Variants in LONP1 observed in about 807,000 individuals in gnomAD.
LONP1 encodes the protein lon protease homolog, mitochondrial.
Under a neutral mutation model 98.5 loss-of-function variants are expected in LONP1, and 31 were observed. The ratio of observed to expected loss-of-function variants is 0.31; its 90% CI spans 0.24 to 0.42. LONP1 has a LOEUF of 0.42. Among genes scored for constraint, LONP1 ranks in the 20% least tolerant of loss-of-function variants. The probability of loss-of-function intolerance (pLI) is 1.00; values close to 1 mark genes in which losing one functional copy is unlikely to be tolerated. For missense variants in LONP1, 1,336 were observed against 1,350.6 expected, an observed-to-expected ratio of 0.99 and a Z score of 0.17; for synonymous variants, 781 against 594.7, an observed-to-expected ratio of 1.31 and a Z score of -4.56.
At chr19:5,698,911 A>T (rs1169659500) in intron 10 of LONP1, 116 bp downstream of exon 10, 1 of 1,073,676 alleles carries the variant, frequency 9.3e-7, no homozygotes, top group Non-Finnish European at 1.3e-6. Context: ...CATGAGTGGA[A>T]TCGGTTGCCC....
intron 17 of LONP1, 67 bp downstream of exon 17, chr19:5,693,231 G>A (rs981648229): frequency 5.2e-6 from 8 of 1,537,546 alleles, no homozygotes; most frequent in Middle Eastern, 1.8e-4. Context: ...TGCATGGCGG[G>A]GACTGGGCCT....
upstream of LONP1, chr19:5,720,390 A>C (rs1036998817): frequency 3.4e-6 from 2 of 595,328 alleles, no homozygotes; most frequent in African/African-American, 3.9e-5. Context: ...GCGCCCGTAC[A>C]AAACACTGGT....
intron 2 of LONP1, among the ~76,000 whole-genome samples, chr19:5,713,942 A>G (rs2055275185): frequency 6.6e-6 from 1 of 152,194 alleles, no homozygotes; most frequent in Non-Finnish European, 1.5e-5. Flanking sequence ...GCATTTCATC[A>G]CTAAGAGTCC....
chr19:5,714,734 C>T (rs2055288590), intron 1 of LONP1, among the ~76,000 whole-genome samples: 1 of 151,426 alleles, frequency 6.6e-6, no homozygotes, highest in Non-Finnish European at 1.5e-5. Flanking sequence ...TTCTCTGCCT[C>T]AGCCTCCTGA....
chr19:5,695,895 A>T lies in LONP1; in HGVS notation c.2013+159T>A, dbSNP rs1429489257. Among the ~76,000 whole-genome samples the T allele has an allele frequency of 5.9e-5, 9 of 152,110 alleles. No homozygotes were observed. In the South Asian group the frequency reaches 1.9e-3, roughly 32 times the overall value. On this transcript the variant is annotated intron_variant, in intron 13 of 17. Transcript: ENST00000360614. ...CTCGCGCCACCTGCAGCTGCTCGCA[A>T]GCGTCTGGTGTGTCTCTCACGGCCC...
Position 5,694,898 on chromosome 19 carries a change from A to G in LONP1, c.2017T>C (p.Tyr673His), listed in dbSNP as rs771670892. The change falls in exon 14 of 18, where the codon TAC becomes CAC. Residue 673 changes from tyrosine (Y) to histidine (H), a missense_variant. Tyr to His is a moderately conservative substitution (Grantham distance 83). Coordinates refer to ENST00000360614, the MANE Select transcript of LONP1 (RefSeq NM_004793.4). Reference protein sequence around the residue: ...AQEKLAIAERYLVPQARALCG... With the variant: ...AQEKLAIAERHLVPQARALCG... ...AGGGCGCGAGCCTGGGGCACCAGGT[A>G]GCGCTGCAAGGGCAACCGTCAGGGT... The G allele has an allele frequency of 1.9e-6, 3 of 1,593,638 alleles. No homozygotes were observed. In the South Asian group the frequency reaches 3.3e-5, roughly 18 times the overall value.
chr19:5,696,945 T>C (rs572389109), intron 10 of LONP1, among the ~76,000 whole-genome samples, 188 bp from the exon 11 acceptor site: 372 of 152,294 alleles, frequency 2.4e-3, no homozygotes, highest in Non-Finnish European at 4.4e-3. Context: ...TCACTTGCCC[T>C]GACTCGCCAG....
rs970307027 is a variant in LONP1, at chr19:5,696,493, G to A, written c.1774-122C>T. 141 of 1,408,384 alleles carry A rather than the reference G, an allele frequency of 1.0e-4. 1 individual carries two copies. Among genetic ancestry groups the A allele is most frequent in the Non-Finnish European group, 1.2e-4 (129 of 1,034,190 alleles). 87.2% of individuals were successfully genotyped at this position (1,408,384 alleles called of 1,614,324 possible). A position where few individuals can be genotyped will look rare whatever the true frequency, so the allele number is the denominator to read the frequency against. On this transcript the variant is annotated intron_variant, in intron 11 of 17. Coordinates refer to ENST00000360614, the MANE Select transcript of LONP1 (RefSeq NM_004793.4). ...GAGAGCGGCACCCACACCCTGCCTTGGACGGGCAGCCTGCTGGGCGTGGCT... is the reference window on the plus strand; with the variant it reads ...GAGAGCGGCACCCACACCCTGCCTTAGACGGGCAGCCTGCTGGGCGTGGCT...
At chr19:5,707,996 C>G in intron 5 of LONP1, 170 bp from the exon 6 acceptor site, 1 of 764,054 alleles carries the variant, frequency 1.3e-6, no homozygotes, top group Non-Finnish European at 2.1e-6. Flanking sequence ...AGTTCAGGGC[C>G]CACCCGTCCT....
chr19:5,692,239 G>A (rs751314553), intron 17 of LONP1, 31 bp from the exon 18 acceptor site: 2 of 1,582,414 alleles, frequency 1.3e-6, no homozygotes, highest in Admixed American at 1.8e-5. Flanking sequence ...AGCCCTGCCT[G>A]GGCCTGTGGG....
chr19:5,707,235 T>G (rs930366760), intron 6 of LONP1, 92 bp from the exon 7 acceptor site: 22 of 889,022 alleles, frequency 2.5e-5, no homozygotes, highest in African/African-American at 4.9e-5. Context: ...CCCTGAGAGA[T>G]GCTGCCGGGA....
chr19:5,696,948 C>G (rs147493531), intron 10 of LONP1, among the ~76,000 whole-genome samples, 191 bp from the exon 11 acceptor site: 2,034 of 152,310 alleles, frequency 0.013, 51 homozygotes, highest in African/African-American at 0.047. Context: ...CTTGCCCTGA[C>G]TCGCCAGCTC....
At position 5,691,880 on chromosome 19, in the gene LONP1, G is replaced by T; in HGVS notation, c.*152C>A. 1 of 904,400 alleles carries T rather than the reference G, an allele frequency of 1.1e-6. No homozygotes were observed. The highest frequency in any genetic ancestry group is 1.7e-6 in the Non-Finnish European group (1 of 604,838). 56.0% of individuals were successfully genotyped at this position (904,400 alleles called of 1,614,324 possible). A position where few individuals can be genotyped will look rare whatever the true frequency, so the allele number is the denominator to read the frequency against. The stretch of plus-strand genomic sequence containing the variant: ...TTAAATAGCTTCTATGCCACACTCT[G>T]ATTAAGCCGACTGAGGTCCCTGGGA... On this transcript the variant is annotated 3_prime_UTR_variant, in exon 18 of 18. Coordinates refer to ENST00000360614, the MANE Select transcript of LONP1 (RefSeq NM_004793.4).
At chr19:5,697,546 AGATGGAGAGGGAAGGGGGTAGAGGGAGG>A in intron 10 of LONP1, among the ~76,000 whole-genome samples, 1 of 99,172 alleles carries the variant, frequency 1.0e-5, no homozygotes, top group African/African-American at 4.1e-5. Context: ...AAGAGGGAGG[AGATGGAGAGGGAAGGGGGTAGAGGGAGG>A]GGGAGGAAGA....
intron 13 of LONP1, among the ~76,000 whole-genome samples, chr19:5,695,729 G>C (rs1183375706): frequency 6.6e-6 from 1 of 152,188 alleles, no homozygotes. Context: ...ACTGCTTCCG[G>C]CTGCCAGAAA....
chr19:5,694,639 G>A (rs1415636251), intron 14 of LONP1, 87 bp from the exon 15 acceptor site: 66 of 1,560,134 alleles, frequency 4.2e-5, no homozygotes, highest in Non-Finnish European at 3.7e-5. Flanking sequence ...AAGGTGTGAC[G>A]GGCGCGGGGT....
chr19:5,705,603 T>C (rs528529391), intron 8 of LONP1, among the ~76,000 whole-genome samples, 169 bp downstream of exon 8: 156 of 152,232 alleles, frequency 1.0e-3, no homozygotes, highest in African/African-American at 3.7e-3. Flanking sequence ...GAGATGGTGA[T>C]GATGTGTCCT....
Position 5,701,863 on chromosome 19 carries a change from C to T in LONP1, c.1368-936G>A, listed in dbSNP as rs529160555. Reference sequence around the variant, plus strand: ...AAGGTGAGGAGCGTCTCTGCCCGGCCGCCCATCATCTGAGATGTGGGGAGC... The same window carrying T: ...AAGGTGAGGAGCGTCTCTGCCCGGCTGCCCATCATCTGAGATGTGGGGAGC... On this transcript the variant is annotated intron_variant, in intron 8 of 17. Coordinates refer to ENST00000360614, the MANE Select transcript of LONP1 (RefSeq NM_004793.4). Among the ~76,000 whole-genome samples, 19 of 151,682 alleles carry T rather than the reference C, an allele frequency of 1.3e-4. No homozygotes were observed. In the East Asian group the frequency reaches 1.8e-3, roughly 14 times the overall value.
chr19:5,718,253 G>T (rs1350153621), intron 1 of LONP1, among the ~76,000 whole-genome samples: 1 of 152,068 alleles, frequency 6.6e-6, no homozygotes, highest in Non-Finnish European at 1.5e-5. Context: ...TGAGGCGGGT[G>T]AATCACTTGA....
Sources: allele counts gnomAD v4.1 joint callset (sites outside exome capture counted in the v4.1 genomes callset), GRCh38; gene constraint gnomAD v4.1.1; transcripts MANE v1.5; gene names NCBI Gene and HGNC (gene_info 2026-07-23, HGNC 2026-07-21).